SMAD2: variants seen among roughly 807,000 people sequenced by gnomAD.
SMAD2 encodes the protein MAD homolog 2.
In SMAD2, 8 loss-of-function variants were observed where a neutral mutation model predicts 64.4. That is an observed-to-expected ratio of 0.12 (90% CI 0.07 to 0.22). The LOEUF (loss-of-function observed/expected upper bound fraction) is 0.22. Ranked by LOEUF, SMAD2 falls within the 10% of genes least tolerant of loss-of-function variation. The pLI is 1.00. For synonymous variants in SMAD2, 203 were observed against 195.8 expected (o/e 1.04, Z -0.31); for missense variants, 289 against 561.2 (o/e 0.51, Z 4.90).
At chr18:47,903,414 G>A (rs533004744) in intron 1 of SMAD2, among the ~76,000 whole-genome samples, 1 of 152,182 alleles carries the variant, frequency 6.6e-6, no homozygotes, top group African/African-American at 2.4e-5. Context: ...ATTGACAGCT[G>A]AGCTATAGAG....
chr18:47,913,067 G>A (rs149007133), intron 1 of SMAD2, among the ~76,000 whole-genome samples: 18 of 152,082 alleles, frequency 1.2e-4, no homozygotes, highest in Non-Finnish European at 1.9e-4. Flanking sequence ...TTACAGGCAC[G>A]CGTCAACACG....
At position 47,840,853 on chromosome 18, in the gene SMAD2, A is replaced by G. The variant is rs1913875811; in HGVS notation, c.*974T>C. 1 of 232,076 alleles carries G rather than the reference A, an allele frequency of 4.3e-6. No individual in the cohort carries two copies. The highest frequency in any genetic ancestry group is 5.6e-5 in the Admixed American group (1 of 17,736). 14.4% of individuals were successfully genotyped at this position (232,076 alleles called of 1,614,324 possible). On this transcript the variant is annotated 3_prime_UTR_variant, in exon 11 of 11. Transcript: ENST00000262160. Reference sequence around the variant, plus strand: ...AAGTAATTCTAGCATATCCCTGAAAATAATTATACTGCCACCTATGCATTT... The same window carrying G: ...AAGTAATTCTAGCATATCCCTGAAAGTAATTATACTGCCACCTATGCATTT...
chr18:47,896,798 CTTGTATCGAACCTAGCAGAAATAT>C lies in SMAD2; in HGVS notation c.-53-13_-43del. On this transcript the variant is annotated splice_acceptor_variant and splice_polypyrimidine_tract_variant and 5_prime_UTR_variant and intron_variant, in exon 2 of 11. Transcript: ENST00000262160. LOFTEE classifies it low-confidence loss of function (5UTR_SPLICE). ...GCAAGCCACGCTAGGAAAACAGCCT[CTTGTATCGAACCTAGCAGAAATAT>C]TGAAAGGATGATGTAGAGACTACCT... 1 of 1,597,742 alleles carries C rather than the reference CTTGTATCGAACCTAGCAGAAATAT, an allele frequency of 6.3e-7. No individual in the cohort carries two copies. The highest frequency in any genetic ancestry group is 1.3e-5 in the African/African-American group (1 of 74,616).
chr18:47,837,746 G>A lies in SMAD2; in HGVS notation c.*4081C>T, dbSNP rs1466903940. 3 of 232,560 alleles carry A rather than the reference G, an allele frequency of 1.3e-5. No individual in the cohort carries two copies. The highest frequency in any genetic ancestry group is 2.2e-5 in the African/African-American group (1 of 45,286). The allele number at this position is 232,560 out of a possible 1,614,324, so 14.4% of individuals were successfully genotyped here. On this transcript the variant is annotated 3_prime_UTR_variant, in exon 11 of 11. Coordinates refer to ENST00000262160, the MANE Select transcript of SMAD2 (RefSeq NM_005901.6). ...GATATGTCTAAGTATCAATGCCTTC[G>A]ATCAGAGTAAGAAAAAAGTATTCAT... is the stretch of plus-strand genomic sequence containing the variant.
rs1259882584 is a variant in SMAD2, at chr18:47,841,297, A to T, written c.*530T>A. On this transcript the variant is annotated 3_prime_UTR_variant, in exon 11 of 11. Transcript: ENST00000262160. The stretch of plus-strand genomic sequence containing the variant: ...AAAAGGCAGAAAAATTAGTTTTTCT[A>T]CAGGAAAATCTGCTTCTAAATAATT... 18 of 233,446 alleles carry T rather than the reference A, an allele frequency of 7.7e-5. No individual in the cohort carries two copies. 14.5% of individuals were successfully genotyped at this position (233,446 alleles called of 1,614,324 possible). A position where few individuals can be genotyped will look rare whatever the true frequency, so the allele number is the denominator to read the frequency against.
At chr18:47,876,786 G>A (rs2032287345) in intron 2 of SMAD2, among the ~76,000 whole-genome samples, 1 of 151,944 alleles carries the variant, frequency 6.6e-6, no homozygotes, top group Admixed American at 6.6e-5. Flanking sequence ...AATATCTAGT[G>A]TACAATTTAC....
chr18:47,884,800 A>G (rs931080568), intron 2 of SMAD2, among the ~76,000 whole-genome samples: 1 of 152,206 alleles, frequency 6.6e-6, no homozygotes, highest in African/African-American at 2.4e-5. Context: ...TCTTTGATAT[A>G]GTATAGCCTT....
At chr18:47,928,739 C>T (rs560328452) in intron 1 of SMAD2, among the ~76,000 whole-genome samples, 1 of 152,168 alleles carries the variant, frequency 6.6e-6, no homozygotes, top group Non-Finnish European at 1.5e-5. Context: ...TGCTTGTGGC[C>T]GCACTTTAGA....
intron 3 of SMAD2, 38 bp from the exon 4 acceptor site, chr18:47,869,474 T>TC: frequency 9.4e-7 from 1 of 1,066,632 alleles, no homozygotes; most frequent in Non-Finnish European, 1.3e-6. Context: ...GAGGGAACTT[T>TC]AAAAAAAAAA....
chr18:47,921,934 G>A (rs1011675147), intron 1 of SMAD2, among the ~76,000 whole-genome samples: 2 of 152,166 alleles, frequency 1.3e-5, no homozygotes, highest in African/African-American at 4.8e-5. Context: ...TTTAGATAAA[G>A]ACAGTATAAA....
Position 47,869,409 on chromosome 18 carries a change from G to A in SMAD2, c.354C>T (p.Ser118=), listed in dbSNP as rs2144379513. The change falls in exon 4 of 11, where the codon TCC becomes TCT. Residue 118 remains serine, a synonymous_variant. Coordinates refer to ENST00000262160, the MANE Select transcript of SMAD2 (RefSeq NM_005901.6). ...TAACATGTGGCAATCCTTTTCGATG[G>A]GATACCTGGAGACGACCATCAAGAG... ...TRSLDGRLQV[S]HRKGLPHVIY... 1 of 1,612,860 alleles carries A rather than the reference G, an allele frequency of 6.2e-7. No homozygotes were observed. The highest frequency in any genetic ancestry group is 8.5e-7 in the Non-Finnish European group (1 of 1,179,518).
chr18:47,921,319 T>C (rs192157034), intron 1 of SMAD2, among the ~76,000 whole-genome samples: 9 of 152,330 alleles, frequency 5.9e-5, no homozygotes, highest in East Asian at 3.9e-4. Flanking sequence ...AAATTGTTCA[T>C]AGATGCATAA....
At chr18:47,874,057 A>G (rs80126689) in intron 2 of SMAD2, among the ~76,000 whole-genome samples, 113 of 152,334 alleles carry the variant, frequency 7.4e-4, no homozygotes, top group Admixed American at 3.8e-3. Flanking sequence ...CTAAGTATAT[A>G]GAGATACAGC....
In SMAD2 at chr18:47,826,202, T is replaced by G. The variant is rs542101421; in HGVS notation, c.*15625A>C. 1 of 152,372 alleles carries G rather than the reference T, an allele frequency of 6.6e-6. No individual in the cohort carries two copies. Among genetic ancestry groups the G allele is most frequent in the East Asian group, 1.9e-4 (1 of 5,188 alleles). The allele number at this position is 152,372 out of a possible 1,614,324, so 9.4% of individuals were successfully genotyped here. On this transcript the variant is annotated 3_prime_UTR_variant, in exon 11 of 11. Coordinates refer to ENST00000262160, the MANE Select transcript of SMAD2 (RefSeq NM_005901.6). ...GTAAGTTAAAACATTTCAAACCAAA[T>G]AGGCCACTCTATTAAGTCCCAGCTT...
rs1912228887 is a variant in SMAD2, at chr18:47,812,252, T to C, written c.*29575A>G. On this transcript the variant is annotated 3_prime_UTR_variant, in exon 11 of 11. Transcript: ENST00000262160. Reference sequence around the variant, plus strand: ...GATCTGATGGTTTTATAAAGGGGAGTTCCCCTACACAAGCTCTCTCGCCTG... The same window carrying C: ...GATCTGATGGTTTTATAAAGGGGAGCTCCCCTACACAAGCTCTCTCGCCTG... The C allele has an allele frequency of 6.6e-6, 1 of 151,724 alleles. No individual in the cohort carries two copies. The highest frequency in any genetic ancestry group is 1.5e-5 in the Non-Finnish European group (1 of 67,916). The allele number at this position is 151,724 out of a possible 1,614,324, so 9.4% of individuals were successfully genotyped here. A position where few individuals can be genotyped will look rare whatever the true frequency, so the allele number is the denominator to read the frequency against.
intron 6 of SMAD2, among the ~76,000 whole-genome samples, chr18:47,861,652 C>A (rs1178896435): frequency 1.3e-5 from 2 of 152,190 alleles, no homozygotes; most frequent in African/African-American, 4.8e-5. Flanking sequence ...CTGAAGTTGT[C>A]AAACCTGACC....
rs922026455 is a variant in SMAD2 at position 47,835,462 on chromosome 18, A to G, written c.*6365T>C. 1.0e-4 allele frequency: 21 copies of G among 200,538 alleles called. No individual in the cohort carries two copies. Among genetic ancestry groups the G allele is most frequent in the African/African-American group, 4.8e-4 (21 of 43,474 alleles). The allele number at this position is 200,538 out of a possible 1,614,324, so 12.4% of individuals were successfully genotyped here. A position where few individuals can be genotyped will look rare whatever the true frequency, so the allele number is the denominator to read the frequency against. On this transcript the variant is annotated 3_prime_UTR_variant, in exon 11 of 11. Coordinates refer to ENST00000262160, the MANE Select transcript of SMAD2 (RefSeq NM_005901.6). ...ATTTTTTTTCAGCTCGAACAATCCAAGATTGGGAATAGTAAGAGTGGCAAA... is the reference window on the plus strand; with the variant it reads ...ATTTTTTTTCAGCTCGAACAATCCAGGATTGGGAATAGTAAGAGTGGCAAA...
intron 1 of SMAD2, among the ~76,000 whole-genome samples, chr18:47,922,260 A>G (rs2034589388): frequency 6.6e-6 from 1 of 152,264 alleles, no homozygotes; most frequent in Non-Finnish European, 1.5e-5. Flanking sequence ...TACTTTAAAT[A>G]TGATGGTGCT....
At chr18:47,883,518 T>C (rs1306003869) in intron 2 of SMAD2, among the ~76,000 whole-genome samples, 1 of 152,254 alleles carries the variant, frequency 6.6e-6, no homozygotes, top group East Asian at 1.9e-4. Flanking sequence ...AACTTAATAA[T>C]GTAACTTAAA....
Sources: allele counts gnomAD v4.1 joint callset (sites outside exome capture counted in the v4.1 genomes callset), GRCh38; gene constraint gnomAD v4.1.1; transcripts MANE v1.5; gene names NCBI Gene and HGNC (gene_info 2026-07-23, HGNC 2026-07-21).